The following LMO3 variants were observed in gnomAD, a reference collection of about 807,000 sequenced individuals.
LMO3 encodes LIM domain only 3, also known as LIM domain only protein 3.
Under a neutral mutation model 15.8 loss-of-function variants are expected in LMO3, and 2 were observed. The ratio of observed to expected loss-of-function variants is 0.13; its 90% CI spans 0.05 to 0.40. The LOEUF is 0.40. LMO3 is among the 10% of genes least tolerant of loss of function. The pLI, the probability that LMO3 is intolerant of heterozygous loss-of-function variation, is 0.99. For missense variants in LMO3, 86 were observed against 182.2 expected (o/e 0.47, Z 3.04); for synonymous variants, 62 against 63.8 (o/e 0.97, Z 0.13).
At chr12:16,605,835 T>C (rs1223687708) in intron 1 of LMO3, 1 of 1,535,186 alleles carries the variant, frequency 6.5e-7, no homozygotes, top group South Asian at 1.2e-5. Flanking sequence ...ATCTATTTCA[T>C]GTCTCATCAT....
At chr12:16,595,935 A>C (rs1368649362) in intron 2 of LMO3, among the ~76,000 whole-genome samples, 2 of 151,544 alleles carry the variant, frequency 1.3e-5, no homozygotes, top group Non-Finnish European at 3.0e-5. Context: ...GATTATTAAA[A>C]AGATGACAAT....
intron 2 of LMO3, among the ~76,000 whole-genome samples, chr12:16,583,675 T>C (rs1943234639): frequency 6.6e-6 from 1 of 152,252 alleles, no homozygotes; most frequent in African/African-American, 2.4e-5. Flanking sequence ...GTATGTTATT[T>C]GCTTGTTTCT....
At position 16,576,630 on chromosome 12, in the gene LMO3, C is replaced by G. The variant is rs1465758813; in HGVS notation, c.207-16092G>C. Reference sequence around the variant, plus strand: ...CACTACATAATAAGCTCCCTGAAAACTTGCCTTCTCCTTTACTCTGCACCT... The same window carrying G: ...CACTACATAATAAGCTCCCTGAAAAGTTGCCTTCTCCTTTACTCTGCACCT... On this transcript the variant is annotated intron_variant, in intron 2 of 3. Transcript: ENST00000537304. This position sits in a 1 kb window ranked among gnomAD's most constrained non-coding sequence, Gnocchi z 4.1. Among the ~76,000 whole-genome samples, 1 of 152,196 alleles carries G rather than the reference C, an allele frequency of 6.6e-6. No individual in the cohort carries two copies. The highest frequency in any genetic ancestry group is 2.4e-5 in the African/African-American group (1 of 41,446).
Position 16,575,503 on chromosome 12 carries a change from GC to G in LMO3, c.207-14966del, listed in dbSNP as rs34756238. On this transcript the variant is annotated intron_variant, in intron 2 of 3. Coordinates refer to ENST00000537304, the MANE Select transcript of LMO3 (RefSeq NM_018640.5). ...GTGTATAAGAGCTAATGTTTATTGAGCCCTGTCTCTGTACCAGACACTGTTC... is the reference window on the plus strand; with the variant it reads ...GTGTATAAGAGCTAATGTTTATTGAGCCTGTCTCTGTACCAGACACTGTTC... Among the ~76,000 whole-genome samples, 769 of 152,278 alleles carry G rather than the reference GC, an allele frequency of 5.0e-3. 8 individuals carry two copies. Among genetic ancestry groups the G allele is most frequent in the African/African-American group, 0.018 (748 of 41,556 alleles).
chr12:16,552,532 C>G (rs1255103164), intron 3 of LMO3, among the ~76,000 whole-genome samples: 1 of 151,972 alleles, frequency 6.6e-6, no homozygotes, highest in Non-Finnish European at 1.5e-5. Flanking sequence ...TTTTTTCCAA[C>G]TGGGTAGCTT....
chr12:16,552,460 AGGAGCAGTT>A (rs1942025728), intron 3 of LMO3, among the ~76,000 whole-genome samples: 1 of 152,082 alleles, frequency 6.6e-6, no homozygotes, highest in Admixed American at 6.6e-5. Context: ...GGTTTAAATG[AGGAGCAGTT>A]GGACTGATTT....
chr12:16,590,696 G>A (rs757824928), intron 2 of LMO3, among the ~76,000 whole-genome samples: 1 of 151,902 alleles, frequency 6.6e-6, no homozygotes, highest in Non-Finnish European at 1.5e-5. Flanking sequence ...GGCAGTCCTA[G>A]CTCATCAATA....
chr12:16,590,362 A>G (rs765052439), intron 2 of LMO3, among the ~76,000 whole-genome samples: 14 of 152,086 alleles, frequency 9.2e-5, no homozygotes, highest in Non-Finnish European at 1.9e-4. Flanking sequence ...TTAAATAACA[A>G]TATGTCCTTA....
rs189421950 is a variant in LMO3 at position 16,579,359 on chromosome 12, G to T, written c.207-18821C>A. Among the ~76,000 whole-genome samples the T allele has an allele frequency of 1.2e-4, 19 of 152,270 alleles. No individual in the cohort carries two copies. In the East Asian group the frequency reaches 3.7e-3, roughly 29 times the overall value. On this transcript the variant is annotated intron_variant, in intron 2 of 3. Coordinates refer to ENST00000537304, the MANE Select transcript of LMO3 (RefSeq NM_018640.5). ...GAGGTCTTTGGTGAGCCTCAGAAAA[G>T]AAGTAAAATCAAATGTGCCTGATGC...
intron 1 of LMO3, 86 bp from the exon 2 acceptor site, chr12:16,600,954 C>T: frequency 2.0e-6 from 2 of 998,016 alleles, no homozygotes; most frequent in Admixed American, 2.5e-5. Context: ...TTAATATTTC[C>T]TTATTCTAGG....
intron 2 of LMO3, chr12:16,594,194 A>C (rs1315297145): frequency 6.5e-7 from 1 of 1,532,752 alleles, no homozygotes; most frequent in Non-Finnish European, 8.7e-7. Flanking sequence ...TGGCCATTCT[A>C]AGGTTACACA....
chr12:16,573,187 A>G (rs1370048015), intron 2 of LMO3, among the ~76,000 whole-genome samples: 1 of 152,148 alleles, frequency 6.6e-6, no homozygotes, highest in Non-Finnish European at 1.5e-5. Flanking sequence ...AGTGCCCCGG[A>G]CAAAAACCTC....
chr12:16,551,187 G>C lies in LMO3; in HGVS notation c.*35C>G. On this transcript the variant is annotated 3_prime_UTR_variant, in exon 4 of 4. Transcript: ENST00000537304. ...GGAGCAAAAAAGATAAAAGAATGTA[G>C]TGCTTTGTATTCTTAATGGGGTGAT... 7.8e-7 allele frequency: 1 copy of C among 1,277,924 alleles called. No individual in the cohort carries two copies. The highest frequency in any genetic ancestry group is 1.2e-5 in the South Asian group (1 of 84,090). The allele number at this position is 1,277,924 out of a possible 1,614,324, so 79.2% of individuals were successfully genotyped here. A position where few individuals can be genotyped will look rare whatever the true frequency, so the allele number is the denominator to read the frequency against.
chr12:16,591,639 G>C lies in LMO3; in HGVS notation c.206+9016C>G, dbSNP rs1026266935. Among the ~76,000 whole-genome samples, 14 of 152,104 alleles carry C rather than the reference G, an allele frequency of 9.2e-5. No homozygotes were observed. Among genetic ancestry groups the C allele is most frequent in the African/African-American group, 3.4e-4 (14 of 41,530 alleles). On this transcript the variant is annotated intron_variant, in intron 2 of 3. Coordinates refer to ENST00000537304, the MANE Select transcript of LMO3 (RefSeq NM_018640.5). This position sits in a 1 kb window ranked among gnomAD's most constrained non-coding sequence, Gnocchi z 4.1. ...AATGGGGATGATTGTTTTGCAAGAG[G>C]TATCAATTGTACAAGGAAAGATAAG...
At chr12:16,558,439 AGT>A (rs2137312012) in intron 3 of LMO3, among the ~76,000 whole-genome samples, 1 of 152,224 alleles carries the variant, frequency 6.6e-6, no homozygotes, top group Non-Finnish European at 1.5e-5. Context: ...AGTCAACAAA[AGT>A]ATTCTAAATT....
rs1565497773 is a variant in LMO3 at position 16,578,862 on chromosome 12, C to CAAAAT, written c.207-18325_207-18324insATTTT. Among the ~76,000 whole-genome samples the CAAAAT allele has an allele frequency of 8.0e-5, 12 of 149,692 alleles. No homozygotes were observed. In the East Asian group the frequency reaches 2.3e-3, roughly 28 times the overall value. On this transcript the variant is annotated intron_variant, in intron 2 of 3. Coordinates refer to ENST00000537304, the MANE Select transcript of LMO3 (RefSeq NM_018640.5). Reference sequence around the variant, plus strand: ...AACAACAACAACAACAACAACAAAACATTAATTCACTAGAAGAATATATTC... The same window carrying CAAAAT: ...AACAACAACAACAACAACAACAAAACAAAATATTAATTCACTAGAAGAATATATTC...
intron 2 of LMO3, among the ~76,000 whole-genome samples, chr12:16,568,292 A>C (rs552659759): frequency 1.7e-3 from 252 of 152,340 alleles, no homozygotes; most frequent in African/African-American, 5.8e-3. Context: ...TCCAGTTTGA[A>C]GGTTGTGATT....
upstream of LMO3, chr12:16,606,374 T>A (rs183149644): frequency 6.6e-6 from 1 of 152,394 alleles, no homozygotes; most frequent in Admixed American, 6.5e-5. Context: ...TGAAGGAAGC[T>A]CCGGCTCTCA....
In LMO3 at chr12:16,560,031, C is replaced by A. The variant is rs2137328174; in HGVS notation, c.332+382G>T. ...AAAAAATAATAAGAATATAAAATAC[C>A]TGCAACAAATTCCTGTATATTTGCT... On this transcript the variant is annotated intron_variant, in intron 3 of 3. Coordinates refer to ENST00000537304, the MANE Select transcript of LMO3 (RefSeq NM_018640.5). The surrounding 1 kb of genome is among the most constrained non-coding windows in gnomAD (Gnocchi z 5.0). 6.6e-6 allele frequency among the ~76,000 whole-genome samples: 1 copy of A among 152,054 alleles called. No individual in the cohort carries two copies. The highest frequency in any genetic ancestry group is 2.4e-5 in the African/African-American group (1 of 41,496).
Sources: gnomAD v4.1 joint callset for allele counts (sites outside exome capture counted in the v4.1 genomes callset) on GRCh38, gnomAD v4.1.1 for gene constraint, Gnocchi (gnomAD v3.1) non-coding constraint, MANE v1.5 for transcripts, NCBI Gene and HGNC (gene_info 2026-07-23, HGNC 2026-07-21) for gene names.